LDLRAD4: variants seen among roughly 807,000 people sequenced by gnomAD.
LDLRAD4 encodes the protein low-density lipoprotein receptor class A domain-containing protein 4.
Under a neutral mutation model 17.0 loss-of-function variants are expected in LDLRAD4, and 5 were observed. The ratio of observed to expected loss-of-function variants is 0.29; its 90% CI spans 0.15 to 0.62. The LOEUF (loss-of-function observed/expected upper bound fraction) is 0.62. LDLRAD4 is among the 20% of genes least tolerant of loss of function. The probability of loss-of-function intolerance (pLI) is 0.84; values close to 1 mark genes in which losing one functional copy is unlikely to be tolerated. For missense variants in LDLRAD4, 340 were observed against 424.7 expected, an observed-to-expected ratio of 0.80 and a Z score of 1.75; for synonymous variants, 168 against 171.8, an observed-to-expected ratio of 0.98 and a Z score of 0.17.
chr18:13,484,725 C>G (rs2093176688), intron 3 of LDLRAD4, among the ~76,000 whole-genome samples: 1 of 152,204 alleles, frequency 6.6e-6, no homozygotes, highest in Non-Finnish European at 1.5e-5. Flanking sequence ...CTGCCCCCAC[C>G]TGGAGAGACA....
intron 2 of LDLRAD4, among the ~76,000 whole-genome samples, chr18:13,396,597 TC>T (rs2086715976): frequency 6.6e-6 from 1 of 152,004 alleles, no homozygotes; most frequent in Non-Finnish European, 1.5e-5. Context: ...GATCCTCCCG[TC>T]TTGGCCTCTT....
intron 1 of LDLRAD4, among the ~76,000 whole-genome samples, chr18:13,226,180 CTTTT>C (rs71174166): frequency 0.03 from 1,546 of 52,192 alleles, 49 homozygotes; most frequent in African/African-American, 0.11. Flanking sequence ...CCATGCCTTG[CTTTT>C]TTTTTTTTTT....
intron 1 of LDLRAD4, among the ~76,000 whole-genome samples, chr18:13,365,534 G>A (rs562064714): frequency 1.3e-5 from 2 of 152,352 alleles, no homozygotes; most frequent in South Asian, 4.1e-4. Context: ...AAGACAGCCT[G>A]TGCATGTGAA....
intron 3 of LDLRAD4, chr18:13,461,118 GGGCT>G (rs1450036211): frequency 2.0e-5 from 3 of 152,428 alleles, no homozygotes; most frequent in African/African-American, 7.2e-5. Context: ...GAACTGAGGC[GGGCT>G]GGCCTTGTCT....
intron 3 of LDLRAD4, among the ~76,000 whole-genome samples, chr18:13,582,736 G>A (rs534498830): frequency 1.2e-4 from 19 of 152,200 alleles, no homozygotes; most frequent in Admixed American, 3.3e-4. Flanking sequence ...TTCTAGAGAC[G>A]AGGTCTCACT....
intron 3 of LDLRAD4, among the ~76,000 whole-genome samples, chr18:13,523,271 T>C (rs891483498): frequency 5.9e-5 from 9 of 152,112 alleles, no homozygotes; most frequent in African/African-American, 1.7e-4. Flanking sequence ...TTCATGAGAA[T>C]GGAGATTGTC....
chr18:13,408,860 C>T (rs1239647185), intron 2 of LDLRAD4, among the ~76,000 whole-genome samples: 3 of 151,850 alleles, frequency 2.0e-5, no homozygotes, highest in Non-Finnish European at 2.9e-5. Context: ...TCTTTTTCTT[C>T]CTTCTTTTTT....
intron 2 of LDLRAD4, among the ~76,000 whole-genome samples, chr18:13,426,399 A>G (rs1203154102): frequency 1.3e-5 from 2 of 152,202 alleles, no homozygotes; most frequent in Admixed American, 1.3e-4. Flanking sequence ...CAGAGCTTGG[A>G]ATTCTGGCCT....
intron 3 of LDLRAD4, among the ~76,000 whole-genome samples, chr18:13,550,659 C>T (rs1187530451): frequency 6.6e-6 from 1 of 152,226 alleles, no homozygotes; most frequent in Non-Finnish European, 1.5e-5. Flanking sequence ...TAGGAAATGG[C>T]AGCCTTGGGA....
At chr18:13,568,899 G>C (rs2094644420) in intron 3 of LDLRAD4, among the ~76,000 whole-genome samples, 1 of 152,102 alleles carries the variant, frequency 6.6e-6, no homozygotes, top group Admixed American at 6.5e-5. Context: ...ATCTTGAAGG[G>C]CTCAGGGAAA....
rs144506340 is a variant in LDLRAD4 at position 13,414,103 on chromosome 18, A to G, written c.41-24141A>G. 2.7e-3 allele frequency among the ~76,000 whole-genome samples: 411 copies of G among 152,330 alleles called. 3 individuals are homozygous for G. Among genetic ancestry groups the G allele is most frequent in the Middle Eastern group, 0.01 (3 of 294 alleles). On this transcript the variant is annotated intron_variant, in intron 2 of 5. Coordinates refer to ENST00000359446, the Ensembl canonical transcript of LDLRAD4. ...TGCTTTGTTCCAAAATTTGTAGTGG[A>G]GGTCTACCTCATGCCTCGTTTTGTG...
rs142349772 is a variant in LDLRAD4 at position 13,632,323 on chromosome 18, C to T, written c.337-11036C>T. Among the ~76,000 whole-genome samples, 29 of 152,368 alleles carry T rather than the reference C, an allele frequency of 1.9e-4. No homozygotes were observed. In the East Asian group the frequency reaches 5.4e-3, roughly 28 times the overall value. On this transcript the variant is annotated intron_variant, in intron 4 of 5. Coordinates refer to ENST00000359446, the Ensembl canonical transcript of LDLRAD4. Reference sequence around the variant, plus strand: ...GATCCCACACCTGCCAAGGGCAAGCCAGGCACAGAATGGTGAGGGGTGTGT... The same window carrying T: ...GATCCCACACCTGCCAAGGGCAAGCTAGGCACAGAATGGTGAGGGGTGTGT...
chr18:13,552,090 C>T (rs753026273), intron 3 of LDLRAD4, among the ~76,000 whole-genome samples: 3 of 152,206 alleles, frequency 2.0e-5, no homozygotes, highest in Non-Finnish European at 4.4e-5. Flanking sequence ...CACTAGGCCC[C>T]ACTTCCAACA....
At chr18:13,294,794 G>T (rs2046176391) in intron 1 of LDLRAD4, among the ~76,000 whole-genome samples, 1 of 150,804 alleles carries the variant, frequency 6.6e-6, no homozygotes, top group African/African-American at 2.4e-5. Context: ...CTACTTGTTT[G>T]AGTGTCACAG....
intron 1 of LDLRAD4, among the ~76,000 whole-genome samples, chr18:13,282,801 C>T (rs897294861): frequency 1.3e-5 from 2 of 152,262 alleles, no homozygotes; most frequent in South Asian, 2.1e-4. Flanking sequence ...AGTAGGGACT[C>T]TGTGTGGGGG....
At chr18:13,344,345 T>C (rs1389585916) in intron 1 of LDLRAD4, among the ~76,000 whole-genome samples, 1 of 152,244 alleles carries the variant, frequency 6.6e-6, no homozygotes, top group East Asian at 1.9e-4. Context: ...AGGGAATCCT[T>C]TCCCCATTTC....
At chr18:13,348,794 G>A (rs557239344) in intron 1 of LDLRAD4, among the ~76,000 whole-genome samples, 3 of 152,214 alleles carry the variant, frequency 2.0e-5, no homozygotes, top group East Asian at 1.9e-4. Context: ...CCCTAGCCTC[G>A]CTGCCACCTT....
At chr18:13,416,205 A>C (rs1422752105) in intron 2 of LDLRAD4, among the ~76,000 whole-genome samples, 2 of 152,228 alleles carry the variant, frequency 1.3e-5, no homozygotes, top group African/African-American at 4.8e-5. Flanking sequence ...AGTGATGCCC[A>C]GGAGCACCTT....
chr18:13,378,821 C>A (rs866148191), intron 1 of LDLRAD4, among the ~76,000 whole-genome samples: 2 of 152,062 alleles, frequency 1.3e-5, no homozygotes, highest in Admixed American at 1.3e-4. Flanking sequence ...TGATTTTTAT[C>A]TATTGGGAAC....
Sources: gnomAD v4.1 joint callset for allele counts (sites outside exome capture counted in the v4.1 genomes callset) on GRCh38, gnomAD v4.1.1 for gene constraint, MANE v1.5 for transcripts, NCBI Gene and HGNC (gene_info 2026-07-23, HGNC 2026-07-21) for gene names.